CCDC93: variants seen among roughly 807,000 people sequenced by gnomAD.
CCDC93 encodes CCC complex scaffolding subunit CCDC93.
Under a neutral mutation model 108.2 loss-of-function variants are expected in CCDC93, and 61 were observed. The observed-to-expected ratio is 0.56, with a 90% CI of 0.46 to 0.70. The LOEUF (loss-of-function observed/expected upper bound fraction) is 0.70, where lower values mean the gene tolerates loss of function less well. Ranked by LOEUF, CCDC93 falls within the 30% of genes least tolerant of loss-of-function variation. The probability of loss-of-function intolerance (pLI) is 0.00; values close to 1 mark genes in which losing one functional copy is unlikely to be tolerated. For synonymous variants in CCDC93, 276 were observed against 260.4 expected, an observed-to-expected ratio of 1.06 and a Z score of -0.58; for missense variants, 685 against 764.2, an observed-to-expected ratio of 0.90 and a Z score of 1.22.
At chr2:117,957,166 C>T (rs1343668506) in intron 12 of CCDC93, among the ~76,000 whole-genome samples, 3 of 152,188 alleles carry the variant, frequency 2.0e-5, no homozygotes, top group Admixed American at 6.5e-5. Context: ...GCTGGGATTA[C>T]AGGCGTGAGC....
At chr2:117,932,515 C>T (rs1678375070) in intron 22 of CCDC93, among the ~76,000 whole-genome samples, 1 of 152,206 alleles carries the variant, frequency 6.6e-6, no homozygotes. Context: ...CCTGACCTTG[C>T]ATTCAGTTCC....
chr2:117,972,269 C>T (rs977783593), intron 11 of CCDC93, among the ~76,000 whole-genome samples: 4 of 152,194 alleles, frequency 2.6e-5, no homozygotes, highest in Admixed American at 1.3e-4. Context: ...CTCCTAATTT[C>T]ACTCTTTTCT....
intron 16 of CCDC93, 120 bp downstream of exon 16, chr2:117,946,691 G>C (rs1678882569): frequency 1.5e-6 from 1 of 679,118 alleles, no homozygotes; most frequent in Non-Finnish European, 2.6e-6. Context: ...AAGGAAAACA[G>C]TTGAGGAATG....
At chr2:118,006,452 G>T (rs1676871683) in intron 3 of CCDC93, among the ~76,000 whole-genome samples, 1 of 152,218 alleles carries the variant, frequency 6.6e-6, no homozygotes. Flanking sequence ...CAATGGGGAA[G>T]GAAAGCATCT....
intron 3 of CCDC93, among the ~76,000 whole-genome samples, chr2:118,002,014 T>C (rs574558105): frequency 4.6e-5 from 7 of 152,130 alleles, no homozygotes; most frequent in South Asian, 4.2e-4. Flanking sequence ...TCTGGAGAAA[T>C]AGGAGCTTCT....
intron 14 of CCDC93, among the ~76,000 whole-genome samples, chr2:117,948,665 G>A (rs1039221136): frequency 2.0e-5 from 3 of 152,200 alleles, no homozygotes; most frequent in African/African-American, 7.2e-5. Context: ...ATAGAGTCAA[G>A]TTACCTGTGG....
intron 23 of CCDC93, among the ~76,000 whole-genome samples, chr2:117,927,145 A>C (rs1303007882): frequency 6.6e-6 from 1 of 152,176 alleles, no homozygotes; most frequent in Non-Finnish European, 1.5e-5. Context: ...TATCTATGAC[A>C]AACCCACAGT....
rs148210839 is a variant in CCDC93 at position 117,936,217 on chromosome 2, G to A, written c.1643+485C>T. ...TCTCCAAGGAGCAAGTCCTGGGGCT[G>A]CTGGATGGTGGGTGGGCAAATGGAC... is the stretch of plus-strand genomic sequence containing the variant. On this transcript the variant is annotated intron_variant, in intron 21 of 23. Coordinates refer to ENST00000376300, the MANE Select transcript of CCDC93 (RefSeq NM_019044.5). Among the ~76,000 whole-genome samples the A allele has an allele frequency of 2.0e-4, 30 of 152,238 alleles. 1 individual carries two copies. The highest frequency in any genetic ancestry group is 3.3e-4 in the Admixed American group (5 of 15,288).
intron 13 of CCDC93, 117 bp downstream of exon 13, chr2:117,952,256 A>T (rs1162290291): frequency 2.6e-6 from 2 of 762,876 alleles, no homozygotes; most frequent in Admixed American, 1.9e-5. Flanking sequence ...GCAGCCTCTG[A>T]GAACAGGATC....
chr2:117,947,563 A>C (rs949977595), intron 15 of CCDC93, among the ~76,000 whole-genome samples: 6 of 152,090 alleles, frequency 3.9e-5, no homozygotes, highest in Non-Finnish European at 8.8e-5. Flanking sequence ...TTTTGCAAAA[A>C]CTTCATAAGA....
chr2:118,009,306 A>G (rs1676961344), intron 1 of CCDC93, among the ~76,000 whole-genome samples: 1 of 152,044 alleles, frequency 6.6e-6, no homozygotes, highest in Admixed American at 6.6e-5. Flanking sequence ...AGGAGACAGA[A>G]GTTGCAGTGA....
At chr2:118,008,459 C>A in intron 2 of CCDC93, 86 bp downstream of exon 2, 1 of 784,002 alleles carries the variant, frequency 1.3e-6, no homozygotes. Context: ...GAAGTTAAAA[C>A]ATCATCTTTT....
chr2:117,932,709 T>C (rs1054778943), intron 22 of CCDC93, among the ~76,000 whole-genome samples: 1 of 152,198 alleles, frequency 6.6e-6, no homozygotes, highest in African/African-American at 2.4e-5. Flanking sequence ...CTGATCCCTG[T>C]CGATGGAACC....
intron 6 of CCDC93, among the ~76,000 whole-genome samples, chr2:117,989,619 T>A (rs1343468725): frequency 1.3e-5 from 2 of 151,804 alleles, no homozygotes; most frequent in Non-Finnish European, 2.9e-5. Flanking sequence ...CAAGCTAGAG[T>A]TTTAATGCTT....
At chr2:117,925,895 C>G (rs1319979273) in intron 23 of CCDC93, among the ~76,000 whole-genome samples, 2 of 152,010 alleles carry the variant, frequency 1.3e-5, no homozygotes, top group Non-Finnish European at 2.9e-5. Flanking sequence ...AAATGTAAAA[C>G]AACAGAAATT....
chr2:117,950,414 CA>C, intron 13 of CCDC93: 1 of 985,426 alleles, frequency 1.0e-6, no homozygotes, highest in South Asian at 4.7e-5. Flanking sequence ...GCTGAAGTTA[CA>C]AAGCAGCCAA....
At chr2:117,984,733 C>T (rs1487352128) in intron 7 of CCDC93, among the ~76,000 whole-genome samples, 1 of 152,090 alleles carries the variant, frequency 6.6e-6, no homozygotes, top group Non-Finnish European at 1.5e-5. Flanking sequence ...CACGTGACAC[C>T]CACAGAGATT....
At position 117,939,063 on chromosome 2, in the gene CCDC93, G is replaced by C; in HGVS notation, c.1571C>G (p.Thr524Ser). The C allele has an allele frequency of 6.2e-7, 1 of 1,604,470 alleles. No homozygotes were observed. Among genetic ancestry groups the C allele is most frequent in the Non-Finnish European group, 8.5e-7 (1 of 1,171,820 alleles). ...ETKQFFTLYN[T>S]LDDKKVYLEK... ...CAAATAAACCTTTTTATCATCCAGG[G>C]TATTATATAAAGTGAAGAACTGCTT... Residue 524 changes from threonine to serine, a missense_variant, in exon 20 of 24, where the codon ACC becomes AGC. Thr to Ser is a moderately conservative substitution (Grantham distance 58, BLOSUM62 1). Coordinates refer to ENST00000376300, the MANE Select transcript of CCDC93 (RefSeq NM_019044.5).
At chr2:117,929,048 G>A (rs1678229163) in intron 23 of CCDC93, among the ~76,000 whole-genome samples, 1 of 151,232 alleles carries the variant, frequency 6.6e-6, no homozygotes, top group Admixed American at 6.6e-5. Flanking sequence ...CTCATAGTTG[G>A]GAATTGAACA....
Sources: allele counts gnomAD v4.1 joint callset (sites outside exome capture counted in the v4.1 genomes callset), GRCh38; gene constraint gnomAD v4.1.1; transcripts MANE v1.5; gene names NCBI Gene and HGNC (gene_info 2026-07-23, HGNC 2026-07-21).